Variants in POFUT2 observed in about 807,000 individuals in gnomAD.
The protein encoded by POFUT2 is GDP-fucose protein O-fucosyltransferase 2.
In POFUT2, 30 loss-of-function variants were observed where a neutral mutation model predicts 55.0. That is an observed-to-expected ratio of 0.55 (90% CI 0.41 to 0.74). POFUT2 has a LOEUF of 0.74. POFUT2 is among the 30% of genes least tolerant of loss of function. The pLI is 0.00. For synonymous variants in POFUT2, 267 were observed against 231.1 expected (o/e 1.16, Z -1.41); for missense variants, 524 against 562.6 (o/e 0.93, Z 0.69).
rs1602139856 is a variant in POFUT2 at position 45,265,368 on chromosome 21, G to A, written c.*114C>T. The A allele has an allele frequency of 1.6e-5, 15 of 953,032 alleles. No individual in the cohort carries two copies. The highest frequency in any genetic ancestry group is 2.4e-5 in the Non-Finnish European group (15 of 635,878). 59.0% of individuals were successfully genotyped at this position (953,032 alleles called of 1,614,324 possible). ...CTCTTCTGGGCCTGGGACCCTGCGAGGGACGGTCCTGTCCGCCCAGCTCCC... is the reference window on the plus strand; with the variant it reads ...CTCTTCTGGGCCTGGGACCCTGCGAAGGACGGTCCTGTCCGCCCAGCTCCC... On this transcript the variant is annotated 3_prime_UTR_variant, in exon 9 of 9. Transcript: ENST00000349485. This position sits in a 1 kb window ranked among gnomAD's most constrained non-coding sequence, Gnocchi z 4.6.
intron 4 of POFUT2, among the ~76,000 whole-genome samples, chr21:45,278,898 C>G (rs1333391233): frequency 6.6e-6 from 1 of 152,180 alleles, no homozygotes; most frequent in Admixed American, 6.5e-5. Flanking sequence ...GTGCCTGTGA[C>G]TGTCACGTTA....
intron 6 of POFUT2, among the ~76,000 whole-genome samples, chr21:45,276,233 A>G (rs1459267885): frequency 7.4e-6 from 1 of 135,772 alleles, no homozygotes; most frequent in African/African-American, 2.7e-5. Flanking sequence ...TTAAAAATAA[A>G]ATTAAAAAGA....
rs528615137 is a variant in POFUT2, at chr21:45,282,107, C to A, written c.638+242G>T. 1.3e-5 allele frequency among the ~76,000 whole-genome samples: 2 copies of A among 151,908 alleles called. No individual in the cohort carries two copies. Among genetic ancestry groups the A allele is most frequent in the East Asian group, 1.9e-4 (1 of 5,184 alleles). The stretch of plus-strand genomic sequence containing the variant: ...CCCCTCCCTGTGCACCTGGCCGGGC[C>A]GAGCCCTCACCTCTGTGCCCCTCAC... On this transcript the variant is annotated intron_variant, in intron 4 of 8. Transcript: ENST00000349485. The surrounding 1 kb of genome is among the most constrained non-coding windows in gnomAD (Gnocchi z 4.6).
intron 4 of POFUT2, among the ~76,000 whole-genome samples, chr21:45,280,136 C>T (rs1231471317): frequency 1.3e-5 from 2 of 152,164 alleles, no homozygotes; most frequent in Admixed American, 6.5e-5. Context: ...CGGTGCAGCC[C>T]CCACCCGGGT....
At position 45,285,682 on chromosome 21, in the gene POFUT2, G is replaced by A. The variant is rs750920771; in HGVS notation, c.378C>T (p.Ile126=). 5.0e-6 allele frequency: 8 copies of A among 1,613,698 alleles called. No homozygotes were observed. Among genetic ancestry groups the A allele is most frequent in the Middle Eastern group, 1.6e-4 (1 of 6,062 alleles). ...CAGCGTGCCGCTCGGCCTCACCTGC[G>A]ATGAACTGCTCATACTCGATGACGG... ...NIPVIEYEQF[I]AESGGPFIDQ... The change falls in exon 2 of 9, where the codon ATC becomes ATT. Residue 126 remains isoleucine (I), a synonymous_variant. Transcript: ENST00000349485. The surrounding 1 kb of genome is among the most constrained non-coding windows in gnomAD (Gnocchi z 4.9).
intron 6 of POFUT2, among the ~76,000 whole-genome samples, chr21:45,273,871 A>G (rs974220372): frequency 1.3e-5 from 2 of 152,212 alleles, no homozygotes; most frequent in Non-Finnish European, 1.5e-5. Context: ...CTGACGGGGG[A>G]AAAGTTGAAA....
At position 45,287,844 on chromosome 21, in the gene POFUT2, G is replaced by A; in HGVS notation, c.28C>T (p.Leu10=). 2 of 1,437,486 alleles carry A rather than the reference G, an allele frequency of 1.4e-6. No homozygotes were observed. Among genetic ancestry groups the A allele is most frequent in the Non-Finnish European group, 1.8e-6 (2 of 1,087,196 alleles). 89.0% of individuals were successfully genotyped at this position (1,437,486 alleles called of 1,614,324 possible). MATLSFVFL[L]LGAVSWPPAS... ...GGAGGCCAGGACACTGCCCCCAGCAGCAGGAAGACGAAGCTGAGTGTCGCC... is the reference window on the plus strand; with the variant it reads ...GGAGGCCAGGACACTGCCCCCAGCAACAGGAAGACGAAGCTGAGTGTCGCC... The change falls in exon 1 of 9, where the codon CTG becomes TTG. Residue 10 remains leucine (L), a synonymous_variant. Coordinates refer to ENST00000349485, the MANE Select transcript of POFUT2 (RefSeq NM_133635.6).
chr21:45,278,016 A>G (rs925229866), intron 5 of POFUT2, 87 bp downstream of exon 5: 4 of 1,054,902 alleles, frequency 3.8e-6, no homozygotes, highest in Non-Finnish European at 5.9e-6. Flanking sequence ...AGGTTCAAAA[A>G]GAGCTGTCGA....
chr21:45,283,460 C>G lies in POFUT2; in HGVS notation c.450G>C (p.Gly150=). Residue 150 remains glycine (G), a synonymous_variant, in exon 3 of 9, where the codon GGG becomes GGC. Coordinates refer to ENST00000349485, the MANE Select transcript of POFUT2 (RefSeq NM_133635.6). ...LQSYAEGWKE[G]TWEEKVDERP... The stretch of plus-strand genomic sequence containing the variant: ...GCTCGTCCACCTTCTCTTCCCAGGT[C>G]CCTTCTTTCCACCCCTCTGCGTAAC... 6.2e-7 allele frequency: 1 copy of G among 1,613,920 alleles called. No individual in the cohort carries two copies.
In POFUT2 at chr21:45,270,095, G is replaced by A. The variant is rs1323735528; in HGVS notation, c.832-76C>T. On this transcript the variant is annotated intron_variant, in intron 6 of 8. Coordinates refer to ENST00000349485, the MANE Select transcript of POFUT2 (RefSeq NM_133635.6). This position sits in a 1 kb window ranked among gnomAD's most constrained non-coding sequence, Gnocchi z 4.6. ...TCATCCTGGGCACCGGGTGGGACTC[G>A]AGACGCAGAGGGATGACCCTTTCCA... The A allele has an allele frequency of 4.1e-6, 5 of 1,215,682 alleles. No homozygotes were observed. The highest frequency in any genetic ancestry group is 2.9e-5 in the Admixed American group (1 of 35,046). 75.3% of individuals were successfully genotyped at this position (1,215,682 alleles called of 1,614,324 possible).
chr21:45,271,492 G>A (rs1250735792), intron 6 of POFUT2, among the ~76,000 whole-genome samples: 1 of 152,208 alleles, frequency 6.6e-6, no homozygotes, highest in Non-Finnish European at 1.5e-5. Context: ...AATAATTGAG[G>A]AAAACTTACC....
rs192080015 is a variant in POFUT2 at position 45,279,462 on chromosome 21, C to G, written c.639-1293G>C. Among the ~76,000 whole-genome samples the G allele has an allele frequency of 2.3e-3, 354 of 152,282 alleles. 4 individuals are homozygous for G. Among genetic ancestry groups the G allele is most frequent in the Non-Finnish European group, 9.0e-4 (61 of 68,028 alleles). ...TACAGAGAAAAAATGAGCAACATATCTAAGTTGGCATTTTATAGAATAACA... is the reference window on the plus strand; with the variant it reads ...TACAGAGAAAAAATGAGCAACATATGTAAGTTGGCATTTTATAGAATAACA... On this transcript the variant is annotated intron_variant, in intron 4 of 8. Transcript: ENST00000349485.
chr21:45,277,280 G>T lies in POFUT2; in HGVS notation c.706-138C>A. ...TCAGACACGTCATCCACGGTCGCCT[G>T]AGAAGCAGCGCCATCCACGGTGGAG... On this transcript the variant is annotated intron_variant, in intron 5 of 8. Coordinates refer to ENST00000349485, the MANE Select transcript of POFUT2 (RefSeq NM_133635.6). This position sits in a 1 kb window ranked among gnomAD's most constrained non-coding sequence, Gnocchi z 6.9. 8.6e-7 allele frequency: 1 copy of T among 1,167,960 alleles called. No individual in the cohort carries two copies. Among genetic ancestry groups the T allele is most frequent in the Non-Finnish European group, 1.2e-6 (1 of 846,072 alleles). The allele number at this position is 1,167,960 out of a possible 1,614,324, so 72.3% of individuals were successfully genotyped here.
chr21:45,271,733 G>A (rs1436371279), intron 6 of POFUT2, among the ~76,000 whole-genome samples: 1 of 152,182 alleles, frequency 6.6e-6, no homozygotes, highest in Non-Finnish European at 1.5e-5. Context: ...CAAGGGACTG[G>A]GGTCCTATCT....
chr21:45,266,120 G>T, intron 8 of POFUT2: 1 of 1,360,298 alleles, frequency 7.4e-7, no homozygotes, highest in Non-Finnish European at 9.8e-7. Flanking sequence ...GTATGGGCTG[G>T]TGGGGACACC....
intron 4 of POFUT2, among the ~76,000 whole-genome samples, chr21:45,278,910 C>T (rs1396497635): frequency 6.6e-6 from 1 of 152,134 alleles, no homozygotes; most frequent in Admixed American, 6.5e-5. Flanking sequence ...GTCACGTTAC[C>T]TAATTCCACG....
Position 45,269,909 on chromosome 21 carries a change from C to T in POFUT2, c.942G>A (p.Arg314=), listed in dbSNP as rs373398480. ...QDVPSLEGAV[R]KIRSLMKTHR... is the part of the protein sequence containing the mutation. ...GGGTCTTCATGAGGCTGCGGATCTTCCTCACGGCCCCTTCCAGACTGGGTA... is the reference window on the plus strand; with the variant it reads ...GGGTCTTCATGAGGCTGCGGATCTTTCTCACGGCCCCTTCCAGACTGGGTA... Residue 314 remains arginine, a synonymous_variant, in exon 7 of 9, where the codon AGG becomes AGA. Transcript: ENST00000349485. 4.3e-6 allele frequency: 7 copies of T among 1,610,416 alleles called. No individual in the cohort carries two copies. The highest frequency in any genetic ancestry group is 5.9e-6 in the Non-Finnish European group (7 of 1,178,992).
intron 8 of POFUT2, chr21:45,266,908 TCTCC>T (rs1437078112): frequency 4.1e-5 from 42 of 1,015,386 alleles, no homozygotes; most frequent in Non-Finnish European, 4.7e-5. Flanking sequence ...CCAGCCTTCA[TCTCC>T]TATGCAGATG....
rs1206120366 is a variant in POFUT2, at chr21:45,285,401, T to C, written c.382+277A>G. The C allele has an allele frequency of 1.6e-5, 7 of 443,578 alleles. No individual in the cohort carries two copies. The highest frequency in any genetic ancestry group is 3.3e-5 in the Admixed American group (1 of 30,548). The allele number at this position is 443,578 out of a possible 1,614,324, so 27.5% of individuals were successfully genotyped here. A position where few individuals can be genotyped will look rare whatever the true frequency, so the allele number is the denominator to read the frequency against. ...TAACACCCAGGGGTGGCCGCTTTCT[T>C]AGGGTGTAAGGGCGGCTCTAACTGA... On this transcript the variant is annotated intron_variant, in intron 2 of 8. Transcript: ENST00000349485. The surrounding 1 kb of genome is among the most constrained non-coding windows in gnomAD (Gnocchi z 4.9).
Sources: gnomAD v4.1 joint callset for allele counts (sites outside exome capture counted in the v4.1 genomes callset) on GRCh38, gnomAD v4.1.1 for gene constraint, Gnocchi (gnomAD v3.1) non-coding constraint, MANE v1.5 for transcripts, NCBI Gene and HGNC (gene_info 2026-07-23, HGNC 2026-07-21) for gene names.